C3orf85: variants seen among roughly 807,000 people sequenced by gnomAD.
The protein encoded by C3orf85 is uncharacterized protein C3orf85.
C3orf85 carries 1 observed loss-of-function variant against 1.7 expected under a neutral mutation model. That is an observed-to-expected ratio of 0.60 (90% CI 0.21 to 2.86). The LOEUF is 2.86. C3orf85 is among the 30% of genes most tolerant of loss of function. C3orf85 has a pLI of 0.22. For synonymous variants in C3orf85, 17 were observed against 8.0 expected (o/e 2.13, Z -1.90); for missense variants, 29 against 21.3 (o/e 1.36, Z -0.72).
At chr3:109,147,173 T>TTGTA (rs1365815982) in intron 2 of C3orf85, among the ~76,000 whole-genome samples, 3 of 152,292 alleles carry the variant, frequency 2.0e-5, no homozygotes, top group Admixed American at 2.0e-4. Context: ...AAACGCCTAC[T>TTGTA]TGTACCCCAG....
At chr3:109,149,111 T>C (rs1368069408) in intron 3 of C3orf85, 1 of 152,254 alleles carries the variant, frequency 6.6e-6, no homozygotes, top group African/African-American at 2.4e-5. Context: ...CAATTATTCA[T>C]GATCTCCCTC....
chr3:109,141,283 C>T (rs1706741049), intron 2 of C3orf85, among the ~76,000 whole-genome samples: 1 of 152,122 alleles, frequency 6.6e-6, no homozygotes, highest in Non-Finnish European at 1.5e-5. Context: ...CACCCCACCT[C>T]GGCCCCTGTT....
At chr3:109,139,013 AG>A (rs1706709701) in intron 2 of C3orf85, among the ~76,000 whole-genome samples, 1 of 152,230 alleles carries the variant, frequency 6.6e-6, no homozygotes, top group African/African-American at 2.4e-5. Flanking sequence ...GACTTTGCAT[AG>A]GCTATCTTAG....
intron 2 of C3orf85, among the ~76,000 whole-genome samples, chr3:109,142,972 A>G (rs924145456): frequency 1.3e-5 from 2 of 152,202 alleles, no homozygotes; most frequent in African/African-American, 2.4e-5. Flanking sequence ...TTTATAACCA[A>G]TTGCAGGTTG....
At position 109,143,529 on chromosome 3, in the gene C3orf85, T is replaced by C. The variant is rs142471888; in HGVS notation, c.50-4724T>C. Among the ~76,000 whole-genome samples the C allele has an allele frequency of 1.8e-3, 272 of 152,370 alleles. 3 individuals carry two copies. The highest frequency in any genetic ancestry group is 5.8e-3 in the African/African-American group (240 of 41,586). On this transcript the variant is annotated intron_variant, in intron 2 of 3. Transcript: ENST00000622536. ...AAGTCTACTCTGACCTTTCTTTCAC[T>C]TATTTCTGACTGTCGCAGTGCTAAA...
intron 2 of C3orf85, among the ~76,000 whole-genome samples, chr3:109,145,875 T>C (rs1389058881): frequency 6.6e-6 from 1 of 152,160 alleles, no homozygotes; most frequent in Non-Finnish European, 1.5e-5. Flanking sequence ...ACCCTGAATC[T>C]TCCTTTGCTC....
intron 2 of C3orf85, among the ~76,000 whole-genome samples, chr3:109,137,673 T>C (rs1706695470): frequency 1.5e-5 from 1 of 66,218 alleles, no homozygotes; most frequent in Admixed American, 1.9e-4. Flanking sequence ...ATATATAAAA[T>C]AAGCCTTCAA....
intron 3 of C3orf85, 200 bp downstream of exon 3, chr3:109,148,586 A>G: frequency 1.9e-6 from 1 of 515,446 alleles, no homozygotes; most frequent in South Asian, 2.6e-5. Flanking sequence ...CTAGACTCAA[A>G]TGTCCCTCTG....
Position 109,136,871 on chromosome 3 carries a change from A to G in C3orf85, c.24A>G (p.Val8=), listed in dbSNP as rs992741305. The G allele has an allele frequency of 1.4e-5, 6 of 426,614 alleles. No individual in the cohort carries two copies. Among genetic ancestry groups the G allele is most frequent in the African/African-American group, 1.2e-4 (6 of 49,282 alleles). 26.4% of individuals were successfully genotyped at this position (426,614 alleles called of 1,614,324 possible). A position where few individuals can be genotyped will look rare whatever the true frequency, so the allele number is the denominator to read the frequency against. The part of the protein sequence containing the change: MAYKMLQ[V]VLCSTLLIGA... ...TCATGGCCTATAAAATGCTTCAAGT[A>G]GTCCTGTGCTCAACATTGCTTATCG... The change falls in exon 2 of 4, where the codon GTA becomes GTG. Residue 8 remains valine, a synonymous_variant. Transcript: ENST00000622536.
At chr3:109,137,681 C>G (rs1706695591) in intron 2 of C3orf85, among the ~76,000 whole-genome samples, 1 of 103,750 alleles carries the variant, frequency 9.6e-6, no homozygotes, top group Non-Finnish European at 2.1e-5. Flanking sequence ...AATAAGCCTT[C>G]AATTCCTAAA....
chr3:109,137,637 G>GTGTGTATATATATA (rs751674362), intron 2 of C3orf85, among the ~76,000 whole-genome samples: 2,872 of 79,694 alleles, frequency 0.036, 104 homozygotes, highest in Middle Eastern at 0.081. Context: ...GTGTGTGTGT[G>GTGTGTATATATATA]TATATATATA....
At chr3:109,149,551 CAACT>C (rs1183482409) in intron 3 of C3orf85, 1 of 277,286 alleles carries the variant, frequency 3.6e-6, no homozygotes, top group African/African-American at 2.2e-5. Flanking sequence ...AGATTTGTAC[CAACT>C]GACAGGCACT....
Position 109,148,296 on chromosome 3 carries a change from G to C in C3orf85, c.93G>C (p.Gln31His). 1 of 702,712 alleles carries C rather than the reference G, an allele frequency of 1.4e-6. No individual in the cohort carries two copies. 43.5% of individuals were successfully genotyped at this position (702,712 alleles called of 1,614,324 possible). Reference sequence around the variant, plus strand: ...TTTTGTTGGAAGACCCTGCAAACCAGTTCCTACGTCTCAAAAGACATGTAA... The same window carrying C: ...TTTTGTTGGAAGACCCTGCAAACCACTTCCTACGTCTCAAAAGACATGTAA... ...APFLLEDPAN[Q>H]FLRLKRHVNL... is the part of the protein sequence containing the mutation. Residue 31 changes from glutamine to histidine, a missense_variant, in exon 3 of 4, where the codon CAG becomes CAC. Transcript: ENST00000622536.
chr3:109,138,542 A>G (rs1263331671), intron 2 of C3orf85, among the ~76,000 whole-genome samples: 2 of 152,222 alleles, frequency 1.3e-5, no homozygotes, highest in African/African-American at 4.8e-5. Context: ...TTATTATAAG[A>G]AAACCACTAT....
chr3:109,137,664 T>TATAA (rs1290631184), intron 2 of C3orf85, among the ~76,000 whole-genome samples: 2 of 144,202 alleles, frequency 1.4e-5, no homozygotes, highest in African/African-American at 2.5e-5. Context: ...TATATATATA[T>TATAA]ATATAAAATA....
In C3orf85 at chr3:109,148,352, G is replaced by C. The variant is rs754458626; in HGVS notation, c.149G>C (p.Ser50Thr). 7.1e-5 allele frequency: 50 copies of C among 702,756 alleles called. No homozygotes were observed. Among genetic ancestry groups the C allele is most frequent in the Admixed American group, 2.8e-4 (14 of 50,010 alleles). The allele number at this position is 702,756 out of a possible 1,614,324, so 43.5% of individuals were successfully genotyped here. The change falls in exon 3 of 4, where the codon AGT becomes ACT. Residue 50 changes from serine (S) to threonine (T), a missense_variant. Physicochemically the swap from Ser to Thr is moderately conservative, Grantham distance 58 (BLOSUM62 1). Coordinates refer to ENST00000622536, the MANE Select transcript of C3orf85 (RefSeq NM_001351622.2). ...CAGGATTACTGGGACCCAGATCACA[G>C]TTCAGATGTGTGGGTAAACACACTG... ...NLQDYWDPDH[S>T]SDVWVNTLAK...
intron 2 of C3orf85, among the ~76,000 whole-genome samples, chr3:109,143,035 G>C (rs1392181013): frequency 1.3e-5 from 2 of 152,182 alleles, no homozygotes; most frequent in Admixed American, 1.3e-4. Context: ...CTCAAGAGAA[G>C]AAGAAAGAGC....
At chr3:109,139,620 C>T (rs145905563) in intron 2 of C3orf85, among the ~76,000 whole-genome samples, 71 of 152,190 alleles carry the variant, frequency 4.7e-4, no homozygotes, top group Middle Eastern at 6.8e-3. Flanking sequence ...GGATTGCTTT[C>T]ATTCTTCTGC....
At chr3:109,137,070 C>CTGTGTGTGTGTGTG (rs3054419) in intron 2 of C3orf85, among the ~76,000 whole-genome samples, 174 bp downstream of exon 2, 18 of 149,866 alleles carry the variant, frequency 1.2e-4, no homozygotes, top group African/African-American at 3.7e-4. Flanking sequence ...TTAATGTTAA[C>CTGTGTGTGTGTGTG]TGTGTGTGTG....
Sources: allele counts gnomAD v4.1 joint callset (sites outside exome capture counted in the v4.1 genomes callset), GRCh38; gene constraint gnomAD v4.1.1; transcripts MANE v1.5; gene names NCBI Gene and HGNC (gene_info 2026-07-23, HGNC 2026-07-21).